Variants in CADPS observed in about 807,000 individuals in gnomAD.
CADPS encodes the protein calcium dependent secretion activator.
In CADPS, 57 loss-of-function variants were observed where a neutral mutation model predicts 167.3. The observed-to-expected ratio is 0.34, with a 90% CI of 0.28 to 0.42. The LOEUF (loss-of-function observed/expected upper bound fraction) is 0.42, where lower values mean the gene tolerates loss of function less well. Ranked by LOEUF, CADPS falls within the 20% of genes least tolerant of loss-of-function variation. The pLI, the probability that CADPS is intolerant of heterozygous loss-of-function variation, is 1.00. For missense variants in CADPS, 1,414 were observed against 1,738.1 expected, an observed-to-expected ratio of 0.81 and a Z score of 3.32; for synonymous variants, 676 against 635.3, an observed-to-expected ratio of 1.06 and a Z score of -0.96.
chr3:62,592,786 T>G, intron 6 of CADPS, 38 bp from the exon 7 acceptor site: 2 of 1,457,506 alleles, frequency 1.4e-6, no homozygotes, highest in Non-Finnish European at 1.9e-6. Context: ...TAGACATATC[T>G]GCCTTGATGA....
At chr3:62,668,357 G>A (rs1396201536) in intron 3 of CADPS, among the ~76,000 whole-genome samples, 2 of 152,092 alleles carry the variant, frequency 1.3e-5, no homozygotes, top group Non-Finnish European at 2.9e-5. Context: ...CCCCTGCTGA[G>A]CTCTGCAGCC....
chr3:62,828,917 A>G (rs904198584), intron 1 of CADPS, among the ~76,000 whole-genome samples: 6 of 152,102 alleles, frequency 3.9e-5, no homozygotes, highest in African/African-American at 1.4e-4. Flanking sequence ...AGCACACTCC[A>G]TTTCATACCA....
At chr3:62,690,137 T>C (rs75982950) in intron 3 of CADPS, among the ~76,000 whole-genome samples, 9,896 of 152,086 alleles carry the variant, frequency 0.065, 383 homozygotes, top group South Asian at 0.093. Flanking sequence ...TTGGCTTCTC[T>C]TCCCTTTCTG....
intron 3 of CADPS, among the ~76,000 whole-genome samples, chr3:62,726,217 G>T (rs1225736007): frequency 1.3e-5 from 2 of 151,836 alleles, no homozygotes; most frequent in African/African-American, 4.9e-5. Flanking sequence ...GCTATTGTTG[G>T]TAACTCTGGC....
chr3:62,729,165 T>C (rs1329315012), intron 3 of CADPS, among the ~76,000 whole-genome samples: 1 of 151,860 alleles, frequency 6.6e-6, no homozygotes, highest in African/African-American at 2.4e-5. Context: ...ACTACCTGAT[T>C]TAGTGTGTCA....
intron 6 of CADPS, among the ~76,000 whole-genome samples, chr3:62,637,959 GT>G (rs2066627890): frequency 6.6e-6 from 1 of 151,954 alleles, no homozygotes; most frequent in African/African-American, 2.4e-5. Flanking sequence ...AATGATCACT[GT>G]TTTAGACTCA....
intron 2 of CADPS, among the ~76,000 whole-genome samples, chr3:62,758,917 C>T (rs1055781847): frequency 1.3e-5 from 2 of 152,302 alleles, no homozygotes; most frequent in African/African-American, 2.4e-5. Flanking sequence ...GTTGGCCTAG[C>T]TCCCATTTGC....
chr3:62,767,152 G>A (rs1025141185), intron 1 of CADPS, among the ~76,000 whole-genome samples: 1 of 152,030 alleles, frequency 6.6e-6, no homozygotes, highest in Non-Finnish European at 1.5e-5. Context: ...TTAAATTTTT[G>A]TGAAAAGTTA....
chr3:62,662,742 C>T (rs575667320), intron 3 of CADPS, among the ~76,000 whole-genome samples: 78 of 152,202 alleles, frequency 5.1e-4, no homozygotes, highest in African/African-American at 1.8e-3. Context: ...AGGAAGGAGA[C>T]GGCAATATAA....
chr3:62,549,608 C>A (rs1022327537), intron 11 of CADPS, among the ~76,000 whole-genome samples: 2 of 152,010 alleles, frequency 1.3e-5, no homozygotes, highest in African/African-American at 4.8e-5. Context: ...ATTTGAAGGA[C>A]TCAAACAAAT....
At chr3:62,571,339 T>A (rs1159488321) in intron 8 of CADPS, among the ~76,000 whole-genome samples, 2 of 152,174 alleles carry the variant, frequency 1.3e-5, no homozygotes. Context: ...CCTTCCCTTG[T>A]TTTCTTTTGC....
At chr3:62,713,698 AC>A (rs147731759) in intron 3 of CADPS, among the ~76,000 whole-genome samples, 169 of 152,070 alleles carry the variant, frequency 1.1e-3, no homozygotes, top group African/African-American at 4.0e-3. Flanking sequence ...TGAAGCCAAG[AC>A]CCCTCCTGGG....
chr3:62,700,561 G>A (rs577615036), intron 3 of CADPS, among the ~76,000 whole-genome samples: 29 of 152,128 alleles, frequency 1.9e-4, no homozygotes, highest in Admixed American at 1.7e-3. Context: ...GGGAGGAATT[G>A]GGGACCTAAT....
At chr3:62,796,630 C>T (rs1202717735) in intron 1 of CADPS, among the ~76,000 whole-genome samples, 1 of 152,114 alleles carries the variant, frequency 6.6e-6, no homozygotes, top group Non-Finnish European at 1.5e-5. Flanking sequence ...AATTGCAACT[C>T]TTATTTATAT....
chr3:62,795,268 G>A (rs910357468), intron 1 of CADPS, among the ~76,000 whole-genome samples: 1 of 151,992 alleles, frequency 6.6e-6, no homozygotes, highest in Non-Finnish European at 1.5e-5. Flanking sequence ...TAAGAGGCTT[G>A]CTCTTCCTAA....
At chr3:62,461,120 C>T (rs1007421020) in intron 26 of CADPS, among the ~76,000 whole-genome samples, 49 of 152,174 alleles carry the variant, frequency 3.2e-4, no homozygotes, top group African/African-American at 1.0e-3. Flanking sequence ...TTAACCTTTC[C>T]AAGCCTTAGT....
chr3:62,755,408 G>C (rs533664893), intron 2 of CADPS, among the ~76,000 whole-genome samples: 3 of 152,304 alleles, frequency 2.0e-5, no homozygotes, highest in African/African-American at 7.2e-5. Context: ...CATATTCACG[G>C]AGAGGAAGCA....
At chr3:62,856,347 T>A (rs2079684409) in intron 1 of CADPS, among the ~76,000 whole-genome samples, 1 of 152,156 alleles carries the variant, frequency 6.6e-6, no homozygotes, top group Non-Finnish European at 1.5e-5. Flanking sequence ...CATCAAAACC[T>A]TTTGAATCAA....
At chr3:62,637,006 C>T (rs1250039434) in intron 6 of CADPS, among the ~76,000 whole-genome samples, 1 of 152,130 alleles carries the variant, frequency 6.6e-6, no homozygotes, top group African/African-American at 2.4e-5. Context: ...TTCCTAATTT[C>T]TCTGAGCTTC....
Sources: gnomAD v4.1 joint callset for allele counts (sites outside exome capture counted in the v4.1 genomes callset) on GRCh38, gnomAD v4.1.1 for gene constraint, MANE v1.5 for transcripts, NCBI Gene and HGNC (gene_info 2026-07-23, HGNC 2026-07-21) for gene names.